The following AS3MT variants were observed in gnomAD, a reference collection of about 807,000 sequenced individuals.
AS3MT encodes the protein arsenite methyltransferase.
AS3MT carries 47 observed loss-of-function variants against 45.3 expected under a neutral mutation model. The observed-to-expected ratio is 1.04, with a 90% CI of 0.82 to 1.32. The LOEUF is 1.32. AS3MT is among the 40% of genes most tolerant of loss of function. The probability of loss-of-function intolerance (pLI) is 0.00; values close to 1 mark genes in which losing one functional copy is unlikely to be tolerated. For missense variants in AS3MT, 396 were observed against 451.1 expected, an observed-to-expected ratio of 0.88 and a Z score of 1.11; for synonymous variants, 141 against 152.8, an observed-to-expected ratio of 0.92 and a Z score of 0.57.
intron 6 of AS3MT, among the ~76,000 whole-genome samples, chr10:102,875,366 C>T (rs1465621669): frequency 6.6e-6 from 1 of 150,930 alleles, no homozygotes; most frequent in African/African-American, 2.4e-5. Flanking sequence ...AATCCCAGCT[C>T]CTCGGGAGGC....
chr10:102,870,362 CT>C, intron 3 of AS3MT, 151 bp downstream of exon 3: 3 of 1,060,128 alleles, frequency 2.8e-6, no homozygotes, highest in Admixed American at 2.4e-5. Flanking sequence ...CACCCATCAT[CT>C]TACTGCTCTA....
chr10:102,899,383 G>A (rs1367447671), intron 10 of AS3MT, among the ~76,000 whole-genome samples: 1 of 152,168 alleles, frequency 6.6e-6, no homozygotes, highest in Admixed American at 6.5e-5. Context: ...GCAACCAGCA[G>A]AGCTGGCCTT....
At chr10:102,875,881 T>C (rs932261542) in intron 6 of AS3MT, among the ~76,000 whole-genome samples, 2 of 152,162 alleles carry the variant, frequency 1.3e-5, no homozygotes, top group African/African-American at 4.8e-5. Flanking sequence ...CCTCCCAAAG[T>C]GCTGGGATTA....
chr10:102,885,945 G>T (rs1273204389), intron 9 of AS3MT, among the ~76,000 whole-genome samples: 1 of 152,074 alleles, frequency 6.6e-6, no homozygotes, highest in Non-Finnish European at 1.5e-5. Context: ...GGGATTACAG[G>T]CTTGGGCCAC....
intron 10 of AS3MT, among the ~76,000 whole-genome samples, chr10:102,896,641 A>G (rs1205926328): frequency 6.6e-6 from 1 of 152,028 alleles, no homozygotes; most frequent in Non-Finnish European, 1.5e-5. Flanking sequence ...CCCCGTCTCT[A>G]CTAAAAATAC....
In AS3MT at chr10:102,870,143, C is replaced by T; in HGVS notation, c.102C>T (p.Thr34=). The change falls in exon 3 of 11, where the codon ACC becomes ACT. Residue 34 remains threonine, a synonymous_variant. Transcript: ENST00000369880. Reference sequence around the variant, plus strand: ...ACCTCCAGACCAACGGCTGTGTCACCACAGCCAGGCCGGTCCCCAAGCACA... The same window carrying T: ...ACCTCCAGACCAACGGCTGTGTCACTACAGCCAGGCCGGTCCCCAAGCACA... ...SADLQTNGCV[T]TARPVPKHIR... The T allele has an allele frequency of 6.2e-7, 1 of 1,614,168 alleles. No homozygotes were observed. The highest frequency in any genetic ancestry group is 1.1e-5 in the South Asian group (1 of 91,080).
intron 9 of AS3MT, among the ~76,000 whole-genome samples, chr10:102,889,984 ATTTTC>A (rs1434694514): frequency 2.3e-5 from 3 of 131,342 alleles, no homozygotes; most frequent in Non-Finnish European, 3.2e-5. Flanking sequence ...AGCCAGTTTC[ATTTTC>A]TTTTCTTTTT....
In AS3MT at chr10:102,873,088, T is replaced by G. The variant is rs373195555; in HGVS notation, c.322-9T>G. ...AAATGTTATCAAAACTATATTTTTC[T>G]TACTTTAGGTGGAAGTGGCTGAAAA... On this transcript the variant is annotated splice_polypyrimidine_tract_variant and intron_variant, in intron 4 of 10. Transcript: ENST00000369880. 6 of 1,560,308 alleles carry G rather than the reference T, an allele frequency of 3.8e-6. No homozygotes were observed. The highest frequency in any genetic ancestry group is 2.4e-5 in the South Asian group (2 of 82,668).
Position 102,871,999 on chromosome 10 carries a change from C to G in AS3MT, c.171-449C>G, listed in dbSNP as rs540031691. Among the ~76,000 whole-genome samples, 12 of 152,160 alleles carry G rather than the reference C, an allele frequency of 7.9e-5. No individual in the cohort carries two copies. In the South Asian group the frequency reaches 2.5e-3, roughly 32 times the overall value. ...CTGGGTTCAAGCCATTCTCCTGCCT[C>G]AGCCTCCCGAGGAGCTGGGATTACA... On this transcript the variant is annotated intron_variant, in intron 3 of 10. Transcript: ENST00000369880.
chr10:102,900,007 C>G (rs188597274), intron 10 of AS3MT, among the ~76,000 whole-genome samples: 1 of 152,258 alleles, frequency 6.6e-6, no homozygotes, highest in East Asian at 1.9e-4. Flanking sequence ...TGGCTTTTCT[C>G]TGGCCCCACT....
chr10:102,870,123 C>T lies in AS3MT; in HGVS notation c.82C>T (p.Gln28Ter). The T allele has an allele frequency of 6.2e-7, 1 of 1,614,152 alleles. No individual in the cohort carries two copies. Among genetic ancestry groups the T allele is most frequent in the Non-Finnish European group, 8.5e-7 (1 of 1,180,038 alleles). The change falls in exon 3 of 11, where the codon CAG (glutamine) becomes TAG (stop). Residue 28 changes from glutamine to a stop codon, truncating the protein, a stop_gained. Coordinates refer to ENST00000369880, the MANE Select transcript of AS3MT (RefSeq NM_020682.4). LOFTEE classifies it high-confidence loss of function. ...GGTGCTGAAGAGATCGGCAGACCTC[C>T]AGACCAACGGCTGTGTCACCACAGC... ...GQVLKRSADL[Q>*]TNGCVTTARP...
At chr10:102,874,838 C>G (rs1422204099) in intron 6 of AS3MT, among the ~76,000 whole-genome samples, 177 bp downstream of exon 6, 1 of 152,170 alleles carries the variant, frequency 6.6e-6, no homozygotes, top group Admixed American at 6.5e-5. Flanking sequence ...TACTTTCCCT[C>G]TTAGGTTGCA....
At chr10:102,888,869 ATATATATATATATT>A (rs1378636586) in intron 9 of AS3MT, among the ~76,000 whole-genome samples, 9,894 of 88,408 alleles carry the variant, frequency 0.11, 465 homozygotes, top group East Asian at 0.27. Context: ...ATATATATAT[ATATATATATATATT>A]TTTTTTTTTT....
chr10:102,901,023 G>T lies in AS3MT; in HGVS notation c.*323G>T, dbSNP rs1165798197. ...AATTGCTTGAACCCAGGAAGTAGAGGCTGCAGTGAGTAAGCATCACGCCAC... is the reference window on the plus strand; with the variant it reads ...AATTGCTTGAACCCAGGAAGTAGAGTCTGCAGTGAGTAAGCATCACGCCAC... On this transcript the variant is annotated 3_prime_UTR_variant, in exon 11 of 11. Transcript: ENST00000369880. 1.0e-5 allele frequency: 2 copies of T among 191,876 alleles called. No homozygotes were observed. The highest frequency in any genetic ancestry group is 5.9e-5 in the Admixed American group (1 of 16,912). The allele number at this position is 191,876 out of a possible 1,614,324, so 11.9% of individuals were successfully genotyped here.
chr10:102,900,819 C>G lies in AS3MT; in HGVS notation c.*119C>G. On this transcript the variant is annotated 3_prime_UTR_variant, in exon 11 of 11. Coordinates refer to ENST00000369880, the MANE Select transcript of AS3MT (RefSeq NM_020682.4). ...ACAAATGGGGCCGGGCACAGTGGCT[C>G]ATGCCTATAATCCCAGCACTTTGGG... 1 of 753,726 alleles carries G rather than the reference C, an allele frequency of 1.3e-6. No individual in the cohort carries two copies. The allele number at this position is 753,726 out of a possible 1,614,324, so 46.7% of individuals were successfully genotyped here.
intron 6 of AS3MT, among the ~76,000 whole-genome samples, 192 bp from the exon 7 acceptor site, chr10:102,876,762 G>A (rs983384396): frequency 3.3e-5 from 5 of 152,102 alleles, no homozygotes; most frequent in African/African-American, 1.2e-4. Flanking sequence ...TAAGCCACTG[G>A]GAGGAAAAAA....
rs1464412030 is a variant in AS3MT, at chr10:102,890,682, A to T, written c.1020+4A>T. 1 of 1,603,696 alleles carries T rather than the reference A, an allele frequency of 6.2e-7. No homozygotes were observed. The highest frequency in any genetic ancestry group is 1.1e-5 in the South Asian group (1 of 88,844). ...CTGTTCTGCTTTGGAGTTAAAGGTTAGTTTGGCTTTCACTACCTGAGAGAA... is the reference window on the plus strand; with the variant it reads ...CTGTTCTGCTTTGGAGTTAAAGGTTTGTTTGGCTTTCACTACCTGAGAGAA... On this transcript the variant is annotated splice_donor_region_variant and intron_variant, in intron 10 of 10. Transcript: ENST00000369880.
chr10:102,873,580 T>C (rs7920697), intron 5 of AS3MT, among the ~76,000 whole-genome samples: 37,415 of 151,996 alleles, frequency 0.25, 4,821 homozygotes, highest in East Asian at 0.43. Context: ...GGCACTGTGC[T>C]CAGCCCTCAT....
chr10:102,884,018 G>A (rs552268820), intron 9 of AS3MT, among the ~76,000 whole-genome samples: 17 of 131,624 alleles, frequency 1.3e-4, no homozygotes, highest in Non-Finnish European at 2.2e-4. Flanking sequence ...TTGCTCTGTC[G>A]CCCAGGCTGG....
Sources: gnomAD v4.1 joint callset for allele counts (sites outside exome capture counted in the v4.1 genomes callset) on GRCh38, gnomAD v4.1.1 for gene constraint, MANE v1.5 for transcripts, NCBI Gene and HGNC (gene_info 2026-07-23, HGNC 2026-07-21) for gene names.